PAX8: variants seen among roughly 807,000 people sequenced by gnomAD.
The protein encoded by PAX8 is paired box protein Pax-8.
A neutral mutation model predicts 52.4 loss-of-function variants in PAX8; 15 were observed. That is an observed-to-expected ratio of 0.29 (90% CI 0.19 to 0.44). The LOEUF (loss-of-function observed/expected upper bound fraction) is 0.44. Among genes scored for constraint, PAX8 ranks in the 20% least tolerant of loss-of-function variants. The probability of loss-of-function intolerance (pLI) is 1.00; values close to 1 mark genes in which losing one functional copy is unlikely to be tolerated. For synonymous variants in PAX8, 284 were observed against 249.7 expected, an observed-to-expected ratio of 1.14 and a Z score of -1.29; for missense variants, 554 against 602.5, an observed-to-expected ratio of 0.92 and a Z score of 0.84.
At chr2:113,241,188 A>G (rs1690806056) in intron 7 of PAX8, 1 of 395,836 alleles carries the variant, frequency 2.5e-6, no homozygotes, top group African/African-American at 2.1e-5. Flanking sequence ...GGGGCTAGGA[A>G]ATAGTGGCTG....
intron 2 of PAX8, chr2:113,266,023 T>A (rs892671936): frequency 6.6e-6 from 1 of 152,120 alleles, no homozygotes; most frequent in Non-Finnish European, 1.5e-5. Flanking sequence ...AGTGAGTGCT[T>A]CTTTAGGAGC....
Position 113,236,659 on chromosome 2 carries a change from A to G in PAX8, c.840T>C (p.Pro280=). 1.3e-6 allele frequency: 2 copies of G among 1,595,346 alleles called. No homozygotes were observed. The highest frequency in any genetic ancestry group is 2.7e-5 in the African/African-American group (2 of 74,778). The change falls in exon 8 of 12, where the codon CCT becomes CCC. Residue 280 remains proline (P), a synonymous_variant. Transcript: ENST00000429538. ...TLDDGKATLT[P]SNTPLGRNLS... is the part of the protein sequence containing the mutation. ...GGTTGCGCCCCAGTGGCGTGTTGGA[A>G]GGGGTCAGGGTGGCCTTCCCGTCGT...
At position 113,226,662 on chromosome 2, in the gene PAX8, C is replaced by T. The variant is rs977584109; in HGVS notation, c.1189+493G>A. On this transcript the variant is annotated intron_variant, in intron 10 of 11. Coordinates refer to ENST00000429538, the MANE Select transcript of PAX8 (RefSeq NM_003466.4). ...GAAGCATATATTTCATCATCATCAT[C>T]GTCATCGTCATCATCATCATCATCA... The T allele has an allele frequency of 1.5e-5, 16 of 1,091,010 alleles. No homozygotes were observed. In the Admixed American group the frequency reaches 2.3e-4, roughly 16 times the overall value. The allele number at this position is 1,091,010 out of a possible 1,614,324, so 67.6% of individuals were successfully genotyped here.
At chr2:113,229,093 T>A (rs1176919197) in intron 9 of PAX8, among the ~76,000 whole-genome samples, 1 of 152,142 alleles carries the variant, frequency 6.6e-6, no homozygotes, top group East Asian at 1.9e-4. Flanking sequence ...GGATAGGCAT[T>A]TGGAGCCAAG....
At chr2:113,239,378 T>TTC (rs1240471956) in intron 7 of PAX8, 1 of 152,322 alleles carries the variant, frequency 6.6e-6, no homozygotes, top group Non-Finnish European at 1.5e-5. Context: ...CCCCACTTGT[T>TTC]GATTTTGCAG....
At chr2:113,244,703 T>A (rs1379363238) in intron 3 of PAX8, 79 bp from the exon 4 acceptor site, 1 of 1,338,690 alleles carries the variant, frequency 7.5e-7, no homozygotes, top group Non-Finnish European at 1.1e-6. Flanking sequence ...AGAGCCTCCC[T>A]CCTCTCTGAG....
Position 113,278,480 on chromosome 2 carries a change from C to T in PAX8, c.-75-11G>A. 1 of 1,591,534 alleles carries T rather than the reference C, an allele frequency of 6.3e-7. No individual in the cohort carries two copies. The highest frequency in any genetic ancestry group is 1.7e-4 in the Middle Eastern group (1 of 6,024). ...GCGCCTGCCGCTGCCCTGCACAAAC[C>T]CAGGAGAAGGGCATGAGATGCGATG... is the stretch of plus-strand genomic sequence containing the variant. On this transcript the variant is annotated splice_polypyrimidine_tract_variant and intron_variant, in intron 1 of 11. Transcript: ENST00000429538.
At chr2:113,224,165 AT>A (rs2104423057) in intron 10 of PAX8, among the ~76,000 whole-genome samples, 1 of 152,292 alleles carries the variant, frequency 6.6e-6, no homozygotes, top group South Asian at 2.1e-4. Context: ...GGACGAATGA[AT>A]ATGGATGGAA....
At chr2:113,274,383 G>A (rs997445646) in intron 2 of PAX8, 5 of 152,002 alleles carry the variant, frequency 3.3e-5, no homozygotes, top group African/African-American at 1.2e-4. Context: ...TAGAGATTTG[G>A]TGTTAACAAA....
In PAX8 at chr2:113,218,518, C is replaced by A; in HGVS notation, c.*15G>T. The A allele has an allele frequency of 1.3e-6, 2 of 1,524,892 alleles. No individual in the cohort carries two copies. The highest frequency in any genetic ancestry group is 8.9e-7 in the Non-Finnish European group (1 of 1,128,094). 94.5% of individuals were successfully genotyped at this position (1,524,892 alleles called of 1,614,324 possible). A position where few individuals can be genotyped will look rare whatever the true frequency, so the allele number is the denominator to read the frequency against. On this transcript the variant is annotated 3_prime_UTR_variant, in exon 12 of 12. Coordinates refer to ENST00000429538, the MANE Select transcript of PAX8 (RefSeq NM_003466.4). ...TCCTCCTGTTGCTCAGTCGCTCCCA[C>A]TGTCCCCATGGCAACTACAGATGGT...
chr2:113,221,914 C>T (rs1450448552), intron 10 of PAX8, among the ~76,000 whole-genome samples: 1 of 150,730 alleles, frequency 6.6e-6, no homozygotes, highest in East Asian at 1.9e-4. Context: ...TAACGTAAAT[C>T]AAGCAAAAAA....
chr2:113,270,014 G>C (rs1206977295), intron 2 of PAX8: 2 of 152,206 alleles, frequency 1.3e-5, no homozygotes, highest in African/African-American at 2.4e-5. Context: ...TCCATTTCAG[G>C]CTGTGGTAAC....
intron 7 of PAX8, chr2:113,241,321 C>G (rs1435016845): frequency 1.6e-6 from 1 of 619,766 alleles, no homozygotes; most frequent in Non-Finnish European, 2.9e-6. Flanking sequence ...CCTGAAAGGC[C>G]CAGGCTCAAA....
chr2:113,278,240 C>T (rs1693968430), intron 2 of PAX8, 130 bp downstream of exon 2: 2 of 727,768 alleles, frequency 2.7e-6, no homozygotes, highest in Non-Finnish European at 4.6e-6. Context: ...CCAGGCGCCC[C>T]AGCTGGGTCC....
intron 2 of PAX8, among the ~76,000 whole-genome samples, chr2:113,256,643 T>C (rs1692281782): frequency 7.5e-6 from 1 of 132,472 alleles, no homozygotes; most frequent in Admixed American, 7.3e-5. Context: ...TGTGTGTGTG[T>C]GTGTGTGTGT....
rs867915456 is a variant in PAX8, at chr2:113,218,210, C to T, written c.*323G>A. The T allele has an allele frequency of 6.3e-5, 19 of 303,840 alleles. No individual in the cohort carries two copies. The highest frequency in any genetic ancestry group is 2.3e-4 in the African/African-American group (11 of 47,148). 18.8% of individuals were successfully genotyped at this position (303,840 alleles called of 1,614,324 possible). On this transcript the variant is annotated 3_prime_UTR_variant, in exon 12 of 12. Coordinates refer to ENST00000429538, the MANE Select transcript of PAX8 (RefSeq NM_003466.4). The stretch of plus-strand genomic sequence containing the variant: ...CCATTCGCCATCCCCCCAAGTTCCT[C>T]GGCTATTGCTTCTTCTCTCCTTTGG...
Position 113,278,841 on chromosome 2 carries a change from GGCTGC to G in PAX8, c.-91_-87del, listed in dbSNP as rs531886894. ...CCCTGGGTGACATACCTGGCCGGCCGGCTGCAGGCCCTCACTGCTTGGGTCCGCCC... is the reference window on the plus strand; with the variant it reads ...CCCTGGGTGACATACCTGGCCGGCCGAGGCCCTCACTGCTTGGGTCCGCCC... On this transcript the variant is annotated 5_prime_UTR_variant, in exon 1 of 12. Coordinates refer to ENST00000429538, the MANE Select transcript of PAX8 (RefSeq NM_003466.4). 1 of 1,069,874 alleles carries G rather than the reference GGCTGC, an allele frequency of 9.3e-7. No homozygotes were observed. Among genetic ancestry groups the G allele is most frequent in the Non-Finnish European group, 1.1e-6 (1 of 881,202 alleles). The allele number at this position is 1,069,874 out of a possible 1,614,324, so 66.3% of individuals were successfully genotyped here.
intron 9 of PAX8, among the ~76,000 whole-genome samples, chr2:113,229,481 A>T (rs1468782521): frequency 1.3e-5 from 2 of 152,148 alleles, no homozygotes; most frequent in East Asian, 3.8e-4. Flanking sequence ...GTTTTGGTAA[A>T]CCTGAACACC....
At chr2:113,270,558 T>C (rs1693400645) in intron 2 of PAX8, 1 of 152,210 alleles carries the variant, frequency 6.6e-6, no homozygotes, top group African/African-American at 2.4e-5. Context: ...CCCCTGAGTT[T>C]ATCCCAAGAA....
Sources: allele counts gnomAD v4.1 joint callset (sites outside exome capture counted in the v4.1 genomes callset), GRCh38; gene constraint gnomAD v4.1.1; transcripts MANE v1.5; gene names NCBI Gene and HGNC (gene_info 2026-07-23, HGNC 2026-07-21).